ANKS1B: variants seen among roughly 807,000 people sequenced by gnomAD.
ANKS1B encodes the protein ankyrin repeat and sterile alpha motif domain-containing protein 1B.
In ANKS1B, 36 loss-of-function variants were observed where a neutral mutation model predicts 148.3. The observed-to-expected ratio is 0.24, with a 90% CI of 0.19 to 0.32. ANKS1B has a LOEUF of 0.32. Ranked by LOEUF, ANKS1B falls within the 10% of genes least tolerant of loss-of-function variation. ANKS1B has a pLI of 1.00. For missense variants in ANKS1B, 1,157 were observed against 1,542.6 expected, an observed-to-expected ratio of 0.75 and a Z score of 4.19; for synonymous variants, 542 against 560.8, an observed-to-expected ratio of 0.97 and a Z score of 0.47.
At chr12:99,364,333 T>C (rs1202027215) in intron 12 of ANKS1B, among the ~76,000 whole-genome samples, 7 of 152,198 alleles carry the variant, frequency 4.6e-5, no homozygotes, top group Non-Finnish European at 1.0e-4. Flanking sequence ...TTCTTTGTAG[T>C]GTCTGATTAC....
chr12:99,448,375 T>C (rs2095670715), intron 10 of ANKS1B, among the ~76,000 whole-genome samples: 1 of 152,176 alleles, frequency 6.6e-6, no homozygotes, highest in African/African-American at 2.4e-5. Flanking sequence ...ATCTCACTTA[T>C]ATATGAAATC....
intron 12 of ANKS1B, among the ~76,000 whole-genome samples, chr12:99,393,547 T>A (rs948886900): frequency 1.3e-5 from 2 of 152,338 alleles, no homozygotes; most frequent in African/African-American, 4.8e-5. Flanking sequence ...TTTAGAAGTA[T>A]CAAACATTTC....
chr12:99,925,773 T>C (rs139926780), intron 1 of ANKS1B, among the ~76,000 whole-genome samples: 22 of 152,336 alleles, frequency 1.4e-4, no homozygotes, highest in Admixed American at 1.3e-3. Context: ...TATTTGTTTC[T>C]GAAAACCTAA....
At chr12:99,897,425 C>T (rs1490996279) in intron 1 of ANKS1B, among the ~76,000 whole-genome samples, 1 of 151,192 alleles carries the variant, frequency 6.6e-6, no homozygotes, top group Non-Finnish European at 1.5e-5. Flanking sequence ...TTCACATTCT[C>T]ATTTAAACAT....
At chr12:99,795,861 AACTTCTG>A (rs1435161155) in intron 4 of ANKS1B, among the ~76,000 whole-genome samples, 1 of 152,076 alleles carries the variant, frequency 6.6e-6, no homozygotes, top group Non-Finnish European at 1.5e-5. Flanking sequence ...CTATAGCTGT[AACTTCTG>A]TAGTTTGAGG....
intron 14 of ANKS1B, among the ~76,000 whole-genome samples, chr12:99,178,668 G>A (rs190381814): frequency 2.0e-5 from 3 of 151,814 alleles, no homozygotes; most frequent in Non-Finnish European, 2.9e-5. Context: ...TTTCTGCTTT[G>A]TTCATTATTT....
intron 10 of ANKS1B, among the ~76,000 whole-genome samples, chr12:99,473,609 C>T (rs1302163389): frequency 2.0e-5 from 3 of 151,996 alleles, no homozygotes; most frequent in Non-Finnish European, 4.4e-5. Flanking sequence ...TGTCAGAACT[C>T]TTGTTTTCTG....
intron 15 of ANKS1B, among the ~76,000 whole-genome samples, chr12:99,128,412 T>G (rs572708943): frequency 6.6e-6 from 1 of 152,244 alleles, no homozygotes; most frequent in South Asian, 2.1e-4. Flanking sequence ...CATGAATGAG[T>G]TGCCTGATTC....
intron 17 of ANKS1B, among the ~76,000 whole-genome samples, chr12:98,983,521 C>A (rs7135696): frequency 0.025 from 3,814 of 152,276 alleles, 146 homozygotes; most frequent in African/African-American, 0.087. Flanking sequence ...ACCATAGTCA[C>A]AAGAATAATT....
At chr12:99,787,049 T>TA (rs1411558766) in intron 4 of ANKS1B, among the ~76,000 whole-genome samples, 1 of 152,166 alleles carries the variant, frequency 6.6e-6, no homozygotes, top group African/African-American at 2.4e-5. Flanking sequence ...ATAGAAAATA[T>TA]AATATTTAAA....
At chr12:98,925,383 T>C (rs1480549035) in intron 17 of ANKS1B, among the ~76,000 whole-genome samples, 1 of 152,180 alleles carries the variant, frequency 6.6e-6, no homozygotes, top group Non-Finnish European at 1.5e-5. Context: ...TATTCATAAA[T>C]GACAAATCTG....
intron 9 of ANKS1B, among the ~76,000 whole-genome samples, chr12:99,549,901 C>T (rs76563231): frequency 0.19 from 29,394 of 152,188 alleles, 2,989 homozygotes; most frequent in South Asian, 0.29. Context: ...AAAATTCCTC[C>T]CTTTTCAGCA....
chr12:99,360,809 T>G (rs2092404442), intron 12 of ANKS1B, among the ~76,000 whole-genome samples: 1 of 152,064 alleles, frequency 6.6e-6, no homozygotes. Context: ...GCCATTAAGA[T>G]TTTGCGGTTT....
intron 4 of ANKS1B, among the ~76,000 whole-genome samples, chr12:99,791,350 T>C (rs1480129042): frequency 6.6e-6 from 1 of 151,974 alleles, no homozygotes; most frequent in South Asian, 2.1e-4. Context: ...CTCCCCACTT[T>C]CAGCATTGGA....
intron 17 of ANKS1B, among the ~76,000 whole-genome samples, chr12:98,876,285 G>GT (rs143829202): frequency 0.017 from 2,615 of 152,260 alleles, 75 homozygotes; most frequent in East Asian, 0.11. Flanking sequence ...GTAACTGCTG[G>GT]AAGTGCCCTT....
intron 3 of ANKS1B, among the ~76,000 whole-genome samples, chr12:99,810,590 G>A (rs1422202469): frequency 1.3e-5 from 2 of 151,824 alleles, no homozygotes; most frequent in Admixed American, 6.6e-5. Context: ...AATAGAAACC[G>A]CAACACAAAG....
In ANKS1B at chr12:99,368,175, T is replaced by A. The variant is rs547076866; in HGVS notation, c.1756+31456A>T. ...AATTTCACTCAATAGTTTTGTTGTA[T>A]TGGGGACACATGAATGTAAAGATGG... On this transcript the variant is annotated intron_variant, in intron 12 of 26. Transcript: ENST00000683438. 4.1e-4 allele frequency among the ~76,000 whole-genome samples: 63 copies of A among 152,226 alleles called. 1 individual carries two copies. The Middle Eastern group carries it at 0.01, about 25-fold the overall frequency.
At chr12:99,541,617 T>A (rs556654973) in intron 9 of ANKS1B, among the ~76,000 whole-genome samples, 5 of 151,996 alleles carry the variant, frequency 3.3e-5, no homozygotes, top group African/African-American at 7.2e-5. Flanking sequence ...TCCCAGCACT[T>A]TGGGAGGTGA....
intron 1 of ANKS1B, among the ~76,000 whole-genome samples, chr12:99,892,044 C>T (rs1183965187): frequency 6.6e-6 from 1 of 152,164 alleles, no homozygotes; most frequent in African/African-American, 2.4e-5. Context: ...CGCTCTGTCA[C>T]CCAGGCTGGA....
Sources: allele counts gnomAD v4.1 joint callset (sites outside exome capture counted in the v4.1 genomes callset), GRCh38; gene constraint gnomAD v4.1.1; transcripts MANE v1.5; gene names NCBI Gene and HGNC (gene_info 2026-07-23, HGNC 2026-07-21).